Variants in SPOCK3 observed in about 807,000 individuals in gnomAD.
SPOCK3 encodes the protein testican-3.
A neutral mutation model predicts 56.6 loss-of-function variants in SPOCK3; 30 were observed. The observed-to-expected ratio is 0.53, with a 90% CI of 0.40 to 0.72. The LOEUF (loss-of-function observed/expected upper bound fraction) is 0.72, where lower values mean the gene tolerates loss of function less well. Ranked by LOEUF, SPOCK3 falls within the 30% of genes least tolerant of loss-of-function variation. The probability of loss-of-function intolerance (pLI) is 0.00; values close to 1 mark genes in which losing one functional copy is unlikely to be tolerated. For missense variants in SPOCK3, 527 were observed against 530.0 expected (o/e 0.99, Z 0.06); for synonymous variants, 196 against 183.3 (o/e 1.07, Z -0.56).
intron 5 of SPOCK3, among the ~76,000 whole-genome samples, chr4:166,911,873 A>G (rs932971231): frequency 6.6e-6 from 1 of 152,084 alleles, no homozygotes; most frequent in African/African-American, 2.4e-5. Flanking sequence ...TTCTAGGGAC[A>G]CTGCATAATA....
chr4:166,893,183 C>T (rs143770876), intron 5 of SPOCK3, among the ~76,000 whole-genome samples: 1 of 152,128 alleles, frequency 6.6e-6, no homozygotes, highest in African/African-American at 2.4e-5. Flanking sequence ...TTATCTGGCC[C>T]CAAATGTCAA....
intron 6 of SPOCK3, among the ~76,000 whole-genome samples, chr4:166,833,268 G>T (rs1031887595): frequency 6.6e-6 from 1 of 152,110 alleles, no homozygotes; most frequent in African/African-American, 2.4e-5. Context: ...ATCCAGATAT[G>T]GGTTACTAGG....
chr4:166,942,530 T>G (rs1741221322), intron 4 of SPOCK3, among the ~76,000 whole-genome samples: 1 of 147,932 alleles, frequency 6.8e-6, no homozygotes, highest in Non-Finnish European at 1.5e-5. Context: ...AAAGGCGACA[T>G]GAACTCTGGA....
At position 167,159,712 on chromosome 4, in the gene SPOCK3, C is replaced by A. The variant is rs867973911; in HGVS notation, c.189+74273G>T. Among the ~76,000 whole-genome samples, 7 of 152,194 alleles carry A rather than the reference C, an allele frequency of 4.6e-5. 1 individual carries two copies. Among genetic ancestry groups the A allele is most frequent in the African/African-American group, 1.7e-4 (7 of 41,544 alleles). On this transcript the variant is annotated intron_variant, in intron 2 of 10. Coordinates refer to ENST00000357545, the MANE Select transcript of SPOCK3 (RefSeq NM_001040159.2). ...CCACCATGATCAACTGGGCTTCATC[C>A]CTGGGATGCAAGGCTGATTCAACAT...
chr4:166,976,086 A>T (rs926600894), intron 4 of SPOCK3, among the ~76,000 whole-genome samples: 7 of 151,712 alleles, frequency 4.6e-5, no homozygotes, highest in African/African-American at 1.7e-4. Flanking sequence ...GGTCTATTCA[A>T]CCCCTACATA....
chr4:167,196,331 T>C (rs535152102), intron 2 of SPOCK3, among the ~76,000 whole-genome samples: 22 of 152,264 alleles, frequency 1.4e-4, no homozygotes, highest in Middle Eastern at 3.4e-3. Flanking sequence ...GTTTGTTGTA[T>C]TAGTTATCTA....
chr4:167,195,370 C>T (rs974448014), intron 2 of SPOCK3, among the ~76,000 whole-genome samples: 1 of 152,186 alleles, frequency 6.6e-6, no homozygotes, highest in African/African-American at 2.4e-5. Context: ...CGTAAGCATG[C>T]CTGCCTGCAG....
rs571981605 is a variant in SPOCK3, at chr4:166,922,034, G to A, written c.351-9291C>T. 1.1e-4 allele frequency among the ~76,000 whole-genome samples: 16 copies of A among 152,234 alleles called. No homozygotes were observed. The South Asian group carries it at 2.5e-3, about 24-fold the overall frequency. On this transcript the variant is annotated intron_variant, in intron 4 of 10. Transcript: ENST00000357545. ...AAGCCAGCATCACCACCTGAGCACC[G>A]CCTCCTGTCAGATCAGCAGTGGCAT...
At chr4:166,948,121 C>T (rs1335471760) in intron 4 of SPOCK3, among the ~76,000 whole-genome samples, 1 of 152,126 alleles carries the variant, frequency 6.6e-6, no homozygotes, top group Non-Finnish European at 1.5e-5. Flanking sequence ...TGCTATTTGT[C>T]TTTCTGTGCC....
At chr4:167,227,424 A>G (rs1292014015) in intron 2 of SPOCK3, among the ~76,000 whole-genome samples, 3 of 152,186 alleles carry the variant, frequency 2.0e-5, no homozygotes, top group African/African-American at 7.2e-5. Context: ...GGATTTTTCA[A>G]TTGGCAATGT....
chr4:167,153,139 C>T (rs1253981285), intron 2 of SPOCK3, among the ~76,000 whole-genome samples: 1 of 152,106 alleles, frequency 6.6e-6, no homozygotes, highest in Non-Finnish European at 1.5e-5. Context: ...GGTGAGATAA[C>T]TTGCCTAAGG....
At chr4:166,826,410 TATG>T (rs1302204049) in intron 6 of SPOCK3, among the ~76,000 whole-genome samples, 3 of 152,120 alleles carry the variant, frequency 2.0e-5, no homozygotes, top group Non-Finnish European at 4.4e-5. Flanking sequence ...GTCAATAGAA[TATG>T]ATAATTTAAT....
Position 166,742,007 on chromosome 4 carries a change from C to T in SPOCK3, c.984G>A (p.Lys328=). 1 of 1,612,286 alleles carries T rather than the reference C, an allele frequency of 6.2e-7. No individual in the cohort carries two copies. The highest frequency in any genetic ancestry group is 8.5e-7 in the Non-Finnish European group (1 of 1,178,632). The part of the protein sequence containing the change: ...LSNIQKRQGV[K]KLLGQYIPLC... Reference sequence around the variant, plus strand: ...TGATCTATTACTCACCTAGGAGCTTCTTTACCCCTTGCCGCTTCTGAATAT... The same window carrying T: ...TGATCTATTACTCACCTAGGAGCTTTTTTACCCCTTGCCGCTTCTGAATAT... The change falls in exon 9 of 11, where the codon AAG becomes AAA. Residue 328 remains lysine, a synonymous_variant. Coordinates refer to ENST00000357545, the MANE Select transcript of SPOCK3 (RefSeq NM_001040159.2).
chr4:166,840,774 T>G (rs1322960094), intron 6 of SPOCK3, among the ~76,000 whole-genome samples: 2 of 132,586 alleles, frequency 1.5e-5, no homozygotes, highest in South Asian at 2.6e-4. Flanking sequence ...AGCAAAAGTT[T>G]TTTTTTTTTT....
At chr4:166,974,291 T>A (rs934044819) in intron 4 of SPOCK3, among the ~76,000 whole-genome samples, 4 of 152,240 alleles carry the variant, frequency 2.6e-5, no homozygotes, top group South Asian at 2.1e-4. Context: ...AGGATTTTTT[T>A]AAGAATATCA....
chr4:166,949,105 G>A (rs886969439), intron 4 of SPOCK3, among the ~76,000 whole-genome samples: 26 of 151,828 alleles, frequency 1.7e-4, no homozygotes, highest in Middle Eastern at 3.4e-3. Context: ...ATCTTCCATC[G>A]CTGATACCCT....
At chr4:167,146,480 C>T (rs1379531380) in intron 2 of SPOCK3, among the ~76,000 whole-genome samples, 1 of 152,146 alleles carries the variant, frequency 6.6e-6, no homozygotes, top group African/African-American at 2.4e-5. Flanking sequence ...ATCTACAGAA[C>T]TCTCCACCCC....
chr4:166,793,990 T>G (rs1741626267), intron 6 of SPOCK3, among the ~76,000 whole-genome samples: 1 of 151,844 alleles, frequency 6.6e-6, no homozygotes, highest in African/African-American at 2.4e-5. Flanking sequence ...GTGAAGGGCA[T>G]TTATAGGAAG....
intron 2 of SPOCK3, among the ~76,000 whole-genome samples, chr4:167,069,186 G>A (rs1331501875): frequency 2.6e-5 from 4 of 151,802 alleles, no homozygotes; most frequent in Non-Finnish European, 5.9e-5. Context: ...TATGACTTGC[G>A]TGACTAATAA....
Sources: allele counts gnomAD v4.1 joint callset (sites outside exome capture counted in the v4.1 genomes callset), GRCh38; gene constraint gnomAD v4.1.1; transcripts MANE v1.5; gene names NCBI Gene and HGNC (gene_info 2026-07-23, HGNC 2026-07-21).